The following RAP1B variants were observed in gnomAD, a reference collection of about 807,000 sequenced individuals.
RAP1B encodes RAP1B, member of RAS oncogene family.
A neutral mutation model predicts 27.5 loss-of-function variants in RAP1B; 1 was observed. The ratio of observed to expected loss-of-function variants is 0.04; its 90% CI spans 0.01 to 0.17. The LOEUF (loss-of-function observed/expected upper bound fraction) is 0.17. RAP1B is among the 10% of genes least tolerant of loss of function. The pLI is 1.00. For synonymous variants in RAP1B, 75 were observed against 73.1 expected, an observed-to-expected ratio of 1.03 and a Z score of -0.13; for missense variants, 84 against 214.8, an observed-to-expected ratio of 0.39 and a Z score of 3.81.
intron 1 of RAP1B, among the ~76,000 whole-genome samples, chr12:68,624,037 AAAG>A (rs1176724409): frequency 2.6e-5 from 4 of 152,080 alleles, no homozygotes; most frequent in Admixed American, 6.5e-5. Flanking sequence ...AAAAAAAAAA[AAAG>A]AGAGAGAGAA....
Position 68,660,812 on chromosome 12 carries a change from TTGA to T in RAP1B, c.*1567_*1569del, listed in dbSNP as rs1400907691. The T allele has an allele frequency of 6.6e-6, 1 of 152,200 alleles. No individual in the cohort carries two copies. Among genetic ancestry groups the T allele is most frequent in the Non-Finnish European group, 1.5e-5 (1 of 68,028 alleles). 9.4% of individuals were successfully genotyped at this position (152,200 alleles called of 1,614,324 possible). A position where few individuals can be genotyped will look rare whatever the true frequency, so the allele number is the denominator to read the frequency against. ...CCTTTGGGTAATGTTCAGTAGCTAT[TTGA>T]TGAGGTAGGTAAAAGAGGAACGATT... On this transcript the variant is annotated 3_prime_UTR_variant, in exon 8 of 8. Transcript: ENST00000250559.
intron 4 of RAP1B, 101 bp from the exon 5 acceptor site, chr12:68,654,008 ATAC>A (rs1874015951): frequency 2.1e-6 from 2 of 957,896 alleles, no homozygotes; most frequent in East Asian, 2.5e-5. Flanking sequence ...AAGTTACATA[ATAC>A]TACAGTATTC....
intron 1 of RAP1B, among the ~76,000 whole-genome samples, chr12:68,645,387 A>G (rs896735526): frequency 3.3e-5 from 5 of 152,260 alleles, no homozygotes; most frequent in African/African-American, 9.6e-5. Context: ...ATTAGTCTCA[A>G]TGTCTCAAAT....
At chr12:68,638,908 G>C (rs146624168) in intron 1 of RAP1B, among the ~76,000 whole-genome samples, 16 of 152,084 alleles carry the variant, frequency 1.1e-4, no homozygotes, top group Non-Finnish European at 1.6e-4. Context: ...TGATCTGCCT[G>C]CCTCGGCCCC....
intron 1 of RAP1B, among the ~76,000 whole-genome samples, chr12:68,646,848 T>C (rs1873444282): frequency 6.6e-6 from 1 of 152,208 alleles, no homozygotes; most frequent in African/African-American, 2.4e-5. Flanking sequence ...AACAAAGACC[T>C]TTTTATTTAG....
rs1429707910 is a variant in RAP1B at position 68,654,269 on chromosome 12, ATAAATATATTT to A, written c.324+20_324+30del. 6.7e-7 allele frequency: 1 copy of A among 1,488,954 alleles called. No individual in the cohort carries two copies. The highest frequency in any genetic ancestry group is 9.1e-7 in the Non-Finnish European group (1 of 1,104,826). The allele number at this position is 1,488,954 out of a possible 1,614,324, so 92.2% of individuals were successfully genotyped here. A position where few individuals can be genotyped will look rare whatever the true frequency, so the allele number is the denominator to read the frequency against. ...ACTGATGATGTAAGCTGACTTCCAA[ATAAATATATTT>A]TATTTCAAAACCCTGATTATAATTG... On this transcript the variant is annotated intron_variant, in intron 5 of 7. Coordinates refer to ENST00000250559, the MANE Select transcript of RAP1B (RefSeq NM_001010942.3).
chr12:68,646,548 A>G (rs1873424680), intron 1 of RAP1B, among the ~76,000 whole-genome samples: 1 of 152,152 alleles, frequency 6.6e-6, no homozygotes, highest in South Asian at 2.1e-4. Context: ...TCAGCCTCCC[A>G]AAGTGCTAGG....
At chr12:68,613,930 T>TA (rs1870797363) in intron 1 of RAP1B, among the ~76,000 whole-genome samples, 1 of 152,220 alleles carries the variant, frequency 6.6e-6, no homozygotes, top group Non-Finnish European at 1.5e-5. Flanking sequence ...CTTAGCTGTA[T>TA]AAAGGTAAAG....
chr12:68,654,147 A>G lies in RAP1B; in HGVS notation c.219A>G (p.Lys73=). ...CAGCAATGAGGGATTTATACATGAA[A>G]AATGGACAAGGATTTGCATTAGTTT... The part of the protein sequence containing the change: ...QFTAMRDLYM[K]NGQGFALVYS... Residue 73 remains lysine (K), a synonymous_variant, in exon 5 of 8, where the codon AAA becomes AAG. Coordinates refer to ENST00000250559, the MANE Select transcript of RAP1B (RefSeq NM_001010942.3). 2 of 1,600,052 alleles carry G rather than the reference A, an allele frequency of 1.2e-6. No homozygotes were observed. The highest frequency in any genetic ancestry group is 1.7e-5 in the Admixed American group (1 of 59,922).
At chr12:68,635,470 T>C (rs1477791444) in intron 1 of RAP1B, among the ~76,000 whole-genome samples, 1 of 152,122 alleles carries the variant, frequency 6.6e-6, no homozygotes, top group South Asian at 2.1e-4. Context: ...TAAGGCCTCT[T>C]TTTTTGAGAC....
intron 1 of RAP1B, among the ~76,000 whole-genome samples, chr12:68,621,711 A>G (rs1246021545): frequency 6.6e-6 from 1 of 152,184 alleles, no homozygotes; most frequent in African/African-American, 2.4e-5. Context: ...GGAATGATAA[A>G]CTCAACATTG....
chr12:68,618,004 C>T (rs756634958), intron 1 of RAP1B, among the ~76,000 whole-genome samples: 1 of 151,210 alleles, frequency 6.6e-6, no homozygotes, highest in Non-Finnish European at 1.5e-5. Context: ...CTCAAGTAAT[C>T]TGCCCGCCTC....
At chr12:68,649,769 A>T (rs763137716) in intron 2 of RAP1B, 1 of 152,260 alleles carries the variant, frequency 6.6e-6, no homozygotes, top group Non-Finnish European at 1.5e-5. Flanking sequence ...GTATGTGTGT[A>T]TACATAACAA....
At chr12:68,618,494 C>G (rs1343465514) in intron 1 of RAP1B, among the ~76,000 whole-genome samples, 4 of 152,070 alleles carry the variant, frequency 2.6e-5, no homozygotes, top group Non-Finnish European at 4.4e-5. Flanking sequence ...AATGAATTAC[C>G]TAGATCAGTA....
chr12:68,615,965 G>A (rs1036802572), intron 1 of RAP1B, among the ~76,000 whole-genome samples: 2 of 92,156 alleles, frequency 2.2e-5, no homozygotes, highest in African/African-American at 9.8e-5. Context: ...TAAATAATTT[G>A]GATTTTTTTT....
chr12:68,640,080 C>G (rs1250722165), intron 1 of RAP1B, among the ~76,000 whole-genome samples: 3 of 151,996 alleles, frequency 2.0e-5, no homozygotes. Context: ...ACCTCGTGAT[C>G]CACCCACCTC....
At chr12:68,615,057 T>G (rs774922924) in intron 1 of RAP1B, among the ~76,000 whole-genome samples, 2 of 152,228 alleles carry the variant, frequency 1.3e-5, no homozygotes, top group African/African-American at 2.4e-5. Context: ...ATCAGGAACT[T>G]TTGTGCTGCC....
chr12:68,632,055 T>TTTTTTC (rs1230456148), intron 1 of RAP1B, among the ~76,000 whole-genome samples: 6 of 151,886 alleles, frequency 4.0e-5, no homozygotes, highest in Non-Finnish European at 8.8e-5. Context: ...TGCAGGTTTT[T>TTTTTTC]TTTTTCTTTT....
intron 1 of RAP1B, among the ~76,000 whole-genome samples, chr12:68,623,775 C>G (rs1871548288): frequency 6.6e-6 from 1 of 152,214 alleles, no homozygotes; most frequent in Non-Finnish European, 1.5e-5. Context: ...GTAATCCCAG[C>G]ACTTTGGAAG....
Sources: allele counts gnomAD v4.1 joint callset (sites outside exome capture counted in the v4.1 genomes callset), GRCh38; gene constraint gnomAD v4.1.1; transcripts MANE v1.5; gene names NCBI Gene and HGNC (gene_info 2026-07-23, HGNC 2026-07-21).